DLC1: variants seen among roughly 807,000 people sequenced by gnomAD.
DLC1 encodes DLC1 Rho GTPase activating protein.
Under a neutral mutation model 140.3 loss-of-function variants are expected in DLC1, and 54 were observed. That is an observed-to-expected ratio of 0.38 (90% CI 0.31 to 0.48). The LOEUF (loss-of-function observed/expected upper bound fraction) is 0.48, where lower values mean the gene tolerates loss of function less well. DLC1 is among the 20% of genes least tolerant of loss of function. The probability of loss-of-function intolerance (pLI) is 0.96; values close to 1 mark genes in which losing one functional copy is unlikely to be tolerated. For missense variants in DLC1, 2,536 were observed against 1,907.0 expected (o/e 1.33, Z -6.14); for synonymous variants, 986 against 728.1 (o/e 1.35, Z -5.70).
At chr8:13,389,848 G>A (rs931615581) in intron 4 of DLC1, among the ~76,000 whole-genome samples, 9 of 152,134 alleles carry the variant, frequency 5.9e-5, no homozygotes, top group South Asian at 4.1e-4. Flanking sequence ...GAAGGTAGTC[G>A]TGCTGTAATG....
At chr8:13,301,476 T>C (rs1205314752) in intron 5 of DLC1, among the ~76,000 whole-genome samples, 1 of 152,128 alleles carries the variant, frequency 6.6e-6, no homozygotes, top group Non-Finnish European at 1.5e-5. Flanking sequence ...ACAGCTACCA[T>C]TTTTTGGGAC....
chr8:13,437,338 A>T (rs1585106137), intron 2 of DLC1, among the ~76,000 whole-genome samples: 1 of 152,182 alleles, frequency 6.6e-6, no homozygotes, highest in Non-Finnish European at 1.5e-5. Context: ...CTTCTTTTAG[A>T]TGTATGTTGA....
chr8:13,124,041 C>T (rs1408164421), intron 5 of DLC1, among the ~76,000 whole-genome samples: 1 of 152,022 alleles, frequency 6.6e-6, no homozygotes, highest in East Asian at 1.9e-4. Context: ...TCAAATAAAA[C>T]CTACAATAAG....
chr8:13,174,932 C>T (rs913634460), intron 5 of DLC1, among the ~76,000 whole-genome samples: 2 of 151,980 alleles, frequency 1.3e-5, no homozygotes, highest in Non-Finnish European at 2.9e-5. Context: ...AATTCTTTGC[C>T]AAGGCAAAGA....
At chr8:13,236,407 C>T (rs59814790) in intron 5 of DLC1, among the ~76,000 whole-genome samples, 2,004 of 152,090 alleles carry the variant, frequency 0.013, 48 homozygotes, top group African/African-American at 0.046. Context: ...TCTATCTGTT[C>T]CTCTTTGTAA....
chr8:13,425,520 C>T (rs1216843008), intron 2 of DLC1, among the ~76,000 whole-genome samples: 1 of 152,130 alleles, frequency 6.6e-6, no homozygotes, highest in Non-Finnish European at 1.5e-5. Context: ...CTATCAGTCT[C>T]ATTTAAAGAA....
intron 1 of DLC1, among the ~76,000 whole-genome samples, chr8:13,599,588 A>T (rs1347719568): frequency 6.6e-6 from 1 of 152,016 alleles, no homozygotes; most frequent in African/African-American, 2.4e-5. Flanking sequence ...ATCTAGAAAT[A>T]AACTACGGAA....
At chr8:13,539,740 ATGTGTGTGTATG>A (rs1333753355) in intron 1 of DLC1, among the ~76,000 whole-genome samples, 91 of 115,982 alleles carry the variant, frequency 7.8e-4, no homozygotes, top group African/African-American at 2.9e-3. Flanking sequence ...GCATTAAGAA[ATGTGTGTGTATG>A]TGTGTGTGTG....
At chr8:13,227,375 A>C (rs1168349440) in intron 5 of DLC1, among the ~76,000 whole-genome samples, 1 of 152,174 alleles carries the variant, frequency 6.6e-6, no homozygotes, top group Non-Finnish European at 1.5e-5. Flanking sequence ...ATGCAGCAGA[A>C]TCCTATAAAC....
At chr8:13,105,634 G>T (rs1035967779) in intron 7 of DLC1, among the ~76,000 whole-genome samples, 18 of 150,686 alleles carry the variant, frequency 1.2e-4, no homozygotes, top group African/African-American at 4.4e-4. Flanking sequence ...TATTGCCCAG[G>T]CTGGAGTGCA....
At chr8:13,249,213 AT>A (rs1829898541) in intron 5 of DLC1, among the ~76,000 whole-genome samples, 1 of 152,046 alleles carries the variant, frequency 6.6e-6, no homozygotes, top group Non-Finnish European at 1.5e-5. Context: ...AGTAGCTGGG[AT>A]TACAGGCACC....
chr8:13,597,094 T>C (rs1333372991), intron 1 of DLC1, among the ~76,000 whole-genome samples: 1 of 151,972 alleles, frequency 6.6e-6, no homozygotes, highest in Non-Finnish European at 1.5e-5. Context: ...ATATGTCCAC[T>C]TGGACTTTGA....
At chr8:13,284,854 C>G (rs1167209827) in intron 5 of DLC1, among the ~76,000 whole-genome samples, 1 of 152,090 alleles carries the variant, frequency 6.6e-6, no homozygotes, top group African/African-American at 2.4e-5. Context: ...CACTGAAAAA[C>G]TACAAAATAT....
intron 17 of DLC1, 24 bp downstream of exon 17, chr8:13,086,266 A>G: frequency 6.2e-7 from 1 of 1,602,246 alleles, no homozygotes; most frequent in South Asian, 1.1e-5. Context: ...CTCACCATAT[A>G]AAAAAATCAG....
chr8:13,572,088 A>ATTTT (rs142718239), intron 1 of DLC1, among the ~76,000 whole-genome samples: 4 of 60,648 alleles, frequency 6.6e-5, no homozygotes, highest in Non-Finnish European at 1.1e-4. Context: ...TATTATTATT[A>ATTTT]TTATTTATTT....
intron 5 of DLC1, among the ~76,000 whole-genome samples, chr8:13,197,272 C>G (rs939503167): frequency 6.6e-6 from 1 of 152,078 alleles, no homozygotes; most frequent in Non-Finnish European, 1.5e-5. Flanking sequence ...TTAATAGTAG[C>G]TCTCCTATGC....
At chr8:13,307,300 C>A (rs1832484951) in intron 4 of DLC1, among the ~76,000 whole-genome samples, 1 of 152,102 alleles carries the variant, frequency 6.6e-6, no homozygotes, top group African/African-American at 2.4e-5. Context: ...GGGCTTCCAA[C>A]AAATGGCATA....
chr8:13,403,783 A>G (rs146076851), intron 2 of DLC1, among the ~76,000 whole-genome samples: 78 of 136,972 alleles, frequency 5.7e-4, no homozygotes, highest in African/African-American at 1.9e-3. Context: ...CTGGTACTAT[A>G]GGCATGTACC....
chr8:13,365,519 C>T lies in DLC1; in HGVS notation c.1314+28034G>A, dbSNP rs541097213. On this transcript the variant is annotated intron_variant, in intron 4 of 17. Coordinates refer to ENST00000276297, the MANE Select transcript of DLC1 (RefSeq NM_182643.3). ...TTCAAACAGAAGACACCTGTGAATG[C>T]GTTGGAGGGACAAATGCCAGATGCA... is the stretch of plus-strand genomic sequence containing the variant. Among the ~76,000 whole-genome samples the T allele has an allele frequency of 3.2e-4, 48 of 152,204 alleles. 1 individual carries two copies. The highest frequency in any genetic ancestry group is 1.1e-3 in the African/African-American group (46 of 41,536).
Sources: allele counts gnomAD v4.1 joint callset (sites outside exome capture counted in the v4.1 genomes callset), GRCh38; gene constraint gnomAD v4.1.1; transcripts MANE v1.5; gene names NCBI Gene and HGNC (gene_info 2026-07-23, HGNC 2026-07-21).